The following TOR1AIP2 variants were observed in gnomAD, a reference collection of about 807,000 sequenced individuals.
TOR1AIP2 encodes the protein torsin-1A-interacting protein 2.
TOR1AIP2 carries 20 observed loss-of-function variants against 32.6 expected under a neutral mutation model. The ratio of observed to expected loss-of-function variants is 0.61; its 90% confidence interval spans 0.43 to 0.89. The LOEUF is 0.89. Ranked by LOEUF, TOR1AIP2 falls within the 40% of genes least tolerant of loss-of-function variation. TOR1AIP2 has a pLI of 0.00. For synonymous variants in TOR1AIP2, 214 were observed against 210.8 expected (o/e 1.02, Z -0.13); for missense variants, 456 against 553.8 (o/e 0.82, Z 1.77).
chr1:179,859,486 C>A, intron 3 of TOR1AIP2: 3 of 985,406 alleles, frequency 3.0e-6, no homozygotes, highest in Non-Finnish European at 3.6e-6. Flanking sequence ...AAACTTACAT[C>A]TAGGTTTGAA....
intron 2 of TOR1AIP2, chr1:179,869,305 G>A (rs1696923674): frequency 6.6e-6 from 1 of 151,930 alleles, no homozygotes; most frequent in Non-Finnish European, 1.5e-5. Context: ...AAAAAAAGAA[G>A]TATTAAGTCC....
intron 5 of TOR1AIP2, among the ~76,000 whole-genome samples, chr1:179,849,531 G>T (rs1434850151): frequency 1.3e-5 from 2 of 152,166 alleles, no homozygotes; most frequent in African/African-American, 2.4e-5. Context: ...GCCTAAACTA[G>T]ATTTTTTTAA....
chr1:179,874,917 G>C (rs1409667687), intron 2 of TOR1AIP2: 1 of 152,220 alleles, frequency 6.6e-6, no homozygotes, highest in Non-Finnish European at 1.5e-5. Flanking sequence ...TATCCTCTAA[G>C]GTCAGACTGC....
Position 179,845,820 on chromosome 1 carries a change from A to G in TOR1AIP2, c.*251T>C, listed in dbSNP as rs1176887676. 4 of 414,850 alleles carry G rather than the reference A, an allele frequency of 9.6e-6. No individual in the cohort carries two copies. In the South Asian group the frequency reaches 1.7e-4, roughly 17 times the overall value. The allele number at this position is 414,850 out of a possible 1,614,324, so 25.7% of individuals were successfully genotyped here. On this transcript the variant is annotated 3_prime_UTR_variant, in exon 7 of 7. Transcript: ENST00000609928. ...GAATTTAAAAAAAATTCTCATATAT[A>G]TCATCGATATTTCAAACCTGATTTG...
At chr1:179,855,167 T>A (rs1696252442) in intron 3 of TOR1AIP2, among the ~76,000 whole-genome samples, 1 of 152,212 alleles carries the variant, frequency 6.6e-6, no homozygotes, top group Non-Finnish European at 1.5e-5. Context: ...ATCAAATATC[T>A]TTATAACTGC....
intron 3 of TOR1AIP2, chr1:179,864,350 AT>A (rs779943462): frequency 7.6e-4 from 754 of 988,098 alleles, no homozygotes; most frequent in Non-Finnish European, 8.9e-4. Context: ...TCTTATTAAA[AT>A]TCACTGGACT....
At position 179,851,131 on chromosome 1, in the gene TOR1AIP2, C is replaced by T. The variant is rs1440106394; in HGVS notation, c.267G>A (p.Glu89=). 5 of 1,614,144 alleles carry T rather than the reference C, an allele frequency of 3.1e-6. No homozygotes were observed. In the East Asian group the frequency reaches 1.1e-4, roughly 36 times the overall value. ...CGCCATCCAGAAAACTCTGCTTGTT[C>T]TCATCTTCTGTTTTATCCTTTGGAT... ...GKHPKDKTED[E]NKQSFLDGGK... The change falls in exon 5 of 7, where the codon GAG becomes GAA. Residue 89 remains glutamate, a synonymous_variant. Transcript: ENST00000609928.
chr1:179,851,405 C>A, intron 4 of TOR1AIP2, 42 bp from the exon 5 acceptor site: 1 of 1,399,454 alleles, frequency 7.1e-7, no homozygotes, highest in Non-Finnish European at 9.4e-7. Context: ...GAAAAAATTC[C>A]CCATAAATTT....
rs975265897 is a variant in TOR1AIP2, at chr1:179,841,610, T to C, written c.*4461A>G. 6.6e-6 allele frequency: 1 copy of C among 152,216 alleles called. No individual in the cohort carries two copies. The highest frequency in any genetic ancestry group is 1.5e-5 in the Non-Finnish European group (1 of 68,042). 9.4% of individuals were successfully genotyped at this position (152,216 alleles called of 1,614,324 possible). On this transcript the variant is annotated 3_prime_UTR_variant, in exon 7 of 7. Transcript: ENST00000609928. ...TAGCTTGGGTGACAGAGTGAGACCC[T>C]GTCTTTAAAACAAAAAGAAAGTACT...
chr1:179,865,179 G>T (rs746078498), intron 3 of TOR1AIP2: 2 of 1,590,848 alleles, frequency 1.3e-6, no homozygotes, highest in Non-Finnish European at 1.7e-6. Flanking sequence ...GAAAACATCT[G>T]GACCTAGAAA....
chr1:179,868,482 G>T (rs1374265301), intron 2 of TOR1AIP2: 9 of 151,970 alleles, frequency 5.9e-5, no homozygotes, highest in Non-Finnish European at 1.0e-4. Flanking sequence ...AATCACTTTT[G>T]GAATTGGCAT....
rs1695705232 is a variant in TOR1AIP2, at chr1:179,841,075, T to C, written c.*4996A>G. On this transcript the variant is annotated 3_prime_UTR_variant, in exon 7 of 7. Coordinates refer to ENST00000609928, the MANE Select transcript of TOR1AIP2 (RefSeq NM_001199260.2). ...AAATAAGGCTTATTTTAAAGTCATC[T>C]GGAGAAACTGTTTTACAGGTATCTT... 1 of 152,160 alleles carries C rather than the reference T, an allele frequency of 6.6e-6. No individual in the cohort carries two copies. The allele number at this position is 152,160 out of a possible 1,614,324, so 9.4% of individuals were successfully genotyped here.
chr1:179,870,399 CAA>C (rs201371058), intron 2 of TOR1AIP2, among the ~76,000 whole-genome samples: 11 of 140,976 alleles, frequency 7.8e-5, no homozygotes, highest in Non-Finnish European at 1.7e-4. Flanking sequence ...ACTCCATTTC[CAA>C]AAAAAAAAAA....
intron 2 of TOR1AIP2, among the ~76,000 whole-genome samples, 165 bp from the exon 3 acceptor site, chr1:179,866,019 G>A (rs1001556810): frequency 2.0e-5 from 3 of 152,150 alleles, no homozygotes; most frequent in African/African-American, 4.8e-5. Flanking sequence ...TGATATGTTG[G>A]CACTAGGAAG....
chr1:179,861,462 G>A (rs889535425), intron 3 of TOR1AIP2: 1 of 985,142 alleles, frequency 1.0e-6, no homozygotes, highest in African/African-American at 1.7e-5. Context: ...TCATATAACA[G>A]GTATGTGATG....
chr1:179,841,008 T>C lies in TOR1AIP2; in HGVS notation c.*5063A>G, dbSNP rs933989820. 1.3e-5 allele frequency: 2 copies of C among 152,068 alleles called. No individual in the cohort carries two copies. Among genetic ancestry groups the C allele is most frequent in the African/African-American group, 4.8e-5 (2 of 41,382 alleles). The allele number at this position is 152,068 out of a possible 1,614,324, so 9.4% of individuals were successfully genotyped here. On this transcript the variant is annotated 3_prime_UTR_variant, in exon 7 of 7. Coordinates refer to ENST00000609928, the MANE Select transcript of TOR1AIP2 (RefSeq NM_001199260.2). ...GCAAATTTAGGCCCACATCATTAGG[T>C]ATTTCACAACTTAACACCTAAAATT...
intron 3 of TOR1AIP2, chr1:179,861,399 C>G: frequency 1.0e-6 from 1 of 985,412 alleles, no homozygotes; most frequent in Non-Finnish European, 1.2e-6. Context: ...TCAATTTTCT[C>G]CTTTGCTCAA....
At position 179,859,630 on chromosome 1, in the gene TOR1AIP2, G is replaced by A. The variant is rs185983837; in HGVS notation, c.-147+5806C>T. 41 of 985,338 alleles carry A rather than the reference G, an allele frequency of 4.2e-5. No individual in the cohort carries two copies. In the Admixed American group the frequency reaches 2.3e-3, roughly 56 times the overall value. The allele number at this position is 985,338 out of a possible 1,614,324, so 61.0% of individuals were successfully genotyped here. A position where few individuals can be genotyped will look rare whatever the true frequency, so the allele number is the denominator to read the frequency against. On this transcript the variant is annotated intron_variant, in intron 3 of 6. Transcript: ENST00000609928. ...TTCAGTGTTGTGGAAAGTCTCAGGT[G>A]ATAAAAGTCATACAGCAATTATATC...
At position 179,851,369 on chromosome 1, in the gene TOR1AIP2, G is replaced by A; in HGVS notation, c.35-6C>T. ...TTCCAAATCCTTTTGAGAGTCTATT[G>A]AGATAAAAGTTTATAATTTTTATTG... On this transcript the variant is annotated splice_polypyrimidine_tract_variant and splice_region_variant and intron_variant, in intron 4 of 6. Transcript: ENST00000609928. The A allele has an allele frequency of 6.7e-7, 1 of 1,502,582 alleles. No individual in the cohort carries two copies. The highest frequency in any genetic ancestry group is 8.8e-7 in the Non-Finnish European group (1 of 1,135,462). 93.1% of individuals were successfully genotyped at this position (1,502,582 alleles called of 1,614,324 possible). A position where few individuals can be genotyped will look rare whatever the true frequency, so the allele number is the denominator to read the frequency against.
Sources: gnomAD v4.1 joint callset for allele counts (sites outside exome capture counted in the v4.1 genomes callset) on GRCh38, gnomAD v4.1.1 for gene constraint, MANE v1.5 for transcripts, NCBI Gene and HGNC (gene_info 2026-07-23, HGNC 2026-07-21) for gene names.